Variants in CALD1 observed in about 807,000 individuals in gnomAD.
The protein encoded by CALD1 is caldesmon.
In CALD1, 33 loss-of-function variants were observed where a neutral mutation model predicts 99.9. The observed-to-expected ratio is 0.33, with a 90% CI of 0.25 to 0.44. CALD1 has a LOEUF of 0.44. CALD1 is among the 20% of genes least tolerant of loss of function. The pLI is 1.00. For synonymous variants in CALD1, 310 were observed against 325.0 expected, an observed-to-expected ratio of 0.95 and a Z score of 0.50; for missense variants, 861 against 962.1, an observed-to-expected ratio of 0.89 and a Z score of 1.39.
At chr7:134,891,306 T>G (rs1802150277) in intron 3 of CALD1, 23 of 987,252 alleles carry the variant, frequency 2.3e-5, no homozygotes, top group Non-Finnish European at 2.9e-5. Flanking sequence ...CCCGAAGCAA[T>G]CAGTGCTCTC....
intron 3 of CALD1, among the ~76,000 whole-genome samples, chr7:134,873,097 G>A (rs1016434703): frequency 2.6e-5 from 4 of 151,994 alleles, no homozygotes; most frequent in African/African-American, 7.3e-5. Flanking sequence ...TGAGGCAGGA[G>A]AATCACTTGA....
chr7:134,821,453 T>G (rs1476943524), intron 1 of CALD1, among the ~76,000 whole-genome samples: 1 of 152,192 alleles, frequency 6.6e-6, no homozygotes, highest in Non-Finnish European at 1.5e-5. Context: ...CATCTATTTT[T>G]ATAATTTTAG....
At chr7:134,818,624 T>C (rs1341196171) in intron 1 of CALD1, among the ~76,000 whole-genome samples, 22 of 152,164 alleles carry the variant, frequency 1.4e-4, no homozygotes, top group Admixed American at 1.4e-3. Flanking sequence ...CAATTTTTCA[T>C]AGTGAAGAGC....
chr7:134,819,868 T>A (rs1798704924), intron 1 of CALD1, among the ~76,000 whole-genome samples: 1 of 133,696 alleles, frequency 7.5e-6, no homozygotes, highest in Admixed American at 7.6e-5. Context: ...ATAGTGACAA[T>A]CCCATCTCAA....
At chr7:134,828,631 TTGTC>T (rs1799100198) in intron 1 of CALD1, among the ~76,000 whole-genome samples, 9 of 152,164 alleles carry the variant, frequency 5.9e-5, no homozygotes, top group Admixed American at 5.9e-4. Flanking sequence ...ATTTCATTGT[TTGTC>T]AAATGGGGGA....
At chr7:134,814,066 T>C (rs998352712) in intron 1 of CALD1, among the ~76,000 whole-genome samples, 1 of 152,026 alleles carries the variant, frequency 6.6e-6, no homozygotes, top group Non-Finnish European at 1.5e-5. Context: ...CATCTAGAAA[T>C]GAAGGGAAGT....
At chr7:134,878,657 T>A (rs1320220696) in intron 3 of CALD1, among the ~76,000 whole-genome samples, 2 of 151,962 alleles carry the variant, frequency 1.3e-5, no homozygotes, top group East Asian at 1.9e-4. Context: ...AGAATTCTCA[T>A]CAAAATAAAA....
At chr7:134,737,300 AT>A in the CALD1 span, among the ~76,000 whole-genome samples, 1 of 150,596 alleles carries the variant, frequency 6.6e-6, no homozygotes, top group South Asian at 2.1e-4. Context: ...AATTTTTGTA[AT>A]TTTTTTTTGT....
chr7:134,762,708 CAG>C (rs1163482615), intron 1 of CALD1, among the ~76,000 whole-genome samples: 1 of 152,104 alleles, frequency 6.6e-6, no homozygotes, highest in Admixed American at 6.5e-5. Context: ...TTTAAACAAA[CAG>C]ATCTCGAGAG....
the CALD1 span, among the ~76,000 whole-genome samples, chr7:134,711,660 C>CTCTCTCTCTATATATATA: frequency 1.3e-5 from 1 of 78,356 alleles, no homozygotes; most frequent in African/African-American, 6.2e-5. Context: ...CTCTCTCTCT[C>CTCTCTCTCTATATATATA]TATATATATA....
intron 3 of CALD1, among the ~76,000 whole-genome samples, chr7:134,916,730 G>T (rs73151962): frequency 2.6e-5 from 4 of 152,056 alleles, no homozygotes; most frequent in African/African-American, 9.7e-5. Context: ...TTTTCCAATC[G>T]CTTTATGTCT....
intron 6 of CALD1, among the ~76,000 whole-genome samples, chr7:134,936,607 A>T (rs1806000087): frequency 6.6e-6 from 1 of 152,256 alleles, no homozygotes; most frequent in Admixed American, 6.5e-5. Context: ...CCATCTATTA[A>T]GAAAACTATG....
chr7:134,889,347 T>C (rs1802030925), intron 3 of CALD1, among the ~76,000 whole-genome samples: 1 of 152,220 alleles, frequency 6.6e-6, no homozygotes, highest in Non-Finnish European at 1.5e-5. Flanking sequence ...CCAGTCTGTC[T>C]GCCCACCCTG....
chr7:134,822,896 CT>C (rs1199796944), intron 1 of CALD1, among the ~76,000 whole-genome samples: 1 of 152,172 alleles, frequency 6.6e-6, no homozygotes, highest in Non-Finnish European at 1.5e-5. Flanking sequence ...AGAAACTATG[CT>C]TTAATTTATC....
intron 1 of CALD1, among the ~76,000 whole-genome samples, chr7:134,813,728 T>C (rs1798448548): frequency 6.6e-6 from 1 of 152,204 alleles, no homozygotes; most frequent in South Asian, 2.1e-4. Context: ...AACAGCAGAC[T>C]TGCCAGGTAG....
At chr7:134,897,078 C>T (rs965824024) in intron 3 of CALD1, among the ~76,000 whole-genome samples, 1 of 152,170 alleles carries the variant, frequency 6.6e-6, no homozygotes, top group African/African-American at 2.4e-5. Flanking sequence ...ATTTCCAAGC[C>T]TAATTGAATT....
intron 2 of CALD1, among the ~76,000 whole-genome samples, chr7:134,864,441 C>T (rs925638898): frequency 6.8e-6 from 1 of 147,608 alleles, no homozygotes; most frequent in East Asian, 2.0e-4. Context: ...CTCTGTCGCT[C>T]AGACTGGAGT....
chr7:134,889,425 C>T (rs1802034600), intron 3 of CALD1, among the ~76,000 whole-genome samples: 1 of 152,170 alleles, frequency 6.6e-6, no homozygotes, highest in Admixed American at 6.5e-5. Context: ...TGATTCATTC[C>T]AGCACACCTG....
At chr7:134,713,968 T>C in the CALD1 span, among the ~76,000 whole-genome samples, 2 of 152,076 alleles carry the variant, frequency 1.3e-5, no homozygotes, top group Admixed American at 6.5e-5. Flanking sequence ...GGTGATGGGA[T>C]CAGGGGGATG....
Sources: gnomAD v4.1 joint callset for allele counts (sites outside exome capture counted in the v4.1 genomes callset) on GRCh38, gnomAD v4.1.1 for gene constraint, MANE v1.5 for transcripts, NCBI Gene and HGNC (gene_info 2026-07-23, HGNC 2026-07-21) for gene names.